The following MRTFA variants were observed in gnomAD, a reference collection of about 807,000 sequenced individuals.
The protein encoded by MRTFA is myocardin related transcription factor A.
In MRTFA, 20 loss-of-function variants were observed where a neutral mutation model predicts 83.5. The observed-to-expected ratio is 0.24, with a 90% CI of 0.17 to 0.35. MRTFA has a LOEUF of 0.35. Among genes scored for constraint, MRTFA ranks in the 10% least tolerant of loss-of-function variants. The probability of loss-of-function intolerance (pLI) is 1.00; values close to 1 mark genes in which losing one functional copy is unlikely to be tolerated. For missense variants in MRTFA, 1,200 were observed against 1,224.7 expected (o/e 0.98, Z 0.30); for synonymous variants, 659 against 541.2 (o/e 1.22, Z -3.02).
intron 4 of MRTFA, among the ~76,000 whole-genome samples, chr22:40,449,136 G>A (rs1254471055): frequency 2.0e-5 from 3 of 151,828 alleles, no homozygotes; most frequent in Non-Finnish European, 2.9e-5. Flanking sequence ...GCGTGGTGGC[G>A]GGTGCCTGTA....
At chr22:40,459,850 T>C (rs942576574) in intron 4 of MRTFA, among the ~76,000 whole-genome samples, 3 of 139,922 alleles carry the variant, frequency 2.1e-5, no homozygotes, top group South Asian at 2.4e-4. Flanking sequence ...TATATATATA[T>C]ATATATATAT....
At chr22:40,457,486 G>GAAAGAAAGAAAGAAAGAAAGA (rs750318222) in intron 4 of MRTFA, among the ~76,000 whole-genome samples, 7 of 127,912 alleles carry the variant, frequency 5.5e-5, no homozygotes, top group Non-Finnish European at 8.8e-5. Context: ...AAGAAAGAAA[G>GAAAGAAAGAAAGAAAGAAAGA]AAGGAAAGAA....
intron 3 of MRTFA, among the ~76,000 whole-genome samples, chr22:40,512,697 A>G (rs945309550): frequency 6.6e-6 from 1 of 152,230 alleles, no homozygotes; most frequent in African/African-American, 2.4e-5. Context: ...CCTAGTCCCA[A>G]GGGATAATTA....
intron 4 of MRTFA, among the ~76,000 whole-genome samples, chr22:40,437,892 C>T (rs1481118073): frequency 6.6e-6 from 1 of 152,146 alleles, no homozygotes; most frequent in East Asian, 1.9e-4. Context: ...TCACTCACAG[C>T]ATTCCCCAAG....
At chr22:40,539,693 G>A (rs1022996484) in intron 3 of MRTFA, among the ~76,000 whole-genome samples, 1 of 151,992 alleles carries the variant, frequency 6.6e-6, no homozygotes, top group Non-Finnish European at 1.5e-5. Flanking sequence ...AATAAAGACA[G>A]GGTTTTCACC....
At chr22:40,504,099 C>T (rs936537564) in intron 3 of MRTFA, among the ~76,000 whole-genome samples, 1 of 152,040 alleles carries the variant, frequency 6.6e-6, no homozygotes, top group African/African-American at 2.4e-5. Flanking sequence ...TGCATAAGTT[C>T]ATTATTTTAA....
At chr22:40,498,012 T>C (rs1292028773) in intron 3 of MRTFA, among the ~76,000 whole-genome samples, 1 of 150,346 alleles carries the variant, frequency 6.7e-6, no homozygotes, top group Non-Finnish European at 1.5e-5. Flanking sequence ...TAGTGGCGCA[T>C]GCCTGTAGTC....
At chr22:40,422,956 CGAGATCCTGGT>C (rs1256068971) in intron 9 of MRTFA, among the ~76,000 whole-genome samples, 8 of 152,146 alleles carry the variant, frequency 5.3e-5, no homozygotes, top group East Asian at 1.9e-4. Context: ...CTGGGGTCCC[CGAGATCCTGGT>C]GAGATCCTGG....
intron 2 of MRTFA, among the ~76,000 whole-genome samples, chr22:40,584,499 G>A (rs986948240): frequency 3.9e-5 from 6 of 152,232 alleles, no homozygotes; most frequent in Non-Finnish European, 7.3e-5. Flanking sequence ...CACTTTGGGA[G>A]GCTGAGGCAG....
chr22:40,605,373 T>C (rs1242368983), intron 1 of MRTFA, among the ~76,000 whole-genome samples: 5 of 152,114 alleles, frequency 3.3e-5, no homozygotes, highest in African/African-American at 4.8e-5. Flanking sequence ...TTTTTAGATA[T>C]AGTGATAAGG....
rs755657759 is a variant in MRTFA, at chr22:40,420,492, G to C, written c.1266C>G (p.Ala422=). 1 of 1,613,798 alleles carries C rather than the reference G, an allele frequency of 6.2e-7. No homozygotes were observed. The highest frequency in any genetic ancestry group is 1.1e-5 in the South Asian group (1 of 91,088). The change falls in exon 11 of 15, where the codon GCC becomes GCG. Residue 422 remains alanine, a synonymous_variant. Coordinates refer to ENST00000355630, the MANE Select transcript of MRTFA (RefSeq NM_020831.6). ...GACGTGCCAGCCCACAGGGCCCAGG[G>C]GCGCCCGAGCTGGAGCTGCTATTGG...
intron 2 of MRTFA, among the ~76,000 whole-genome samples, chr22:40,582,667 C>CAT (rs2055966411): frequency 9.4e-6 from 1 of 105,908 alleles, no homozygotes. Flanking sequence ...TACACACATA[C>CAT]ACACACACAC....
Position 40,446,733 on chromosome 22 carries a change from G to A in MRTFA, c.308-11179C>T, listed in dbSNP as rs527945655. 3.3e-5 allele frequency among the ~76,000 whole-genome samples: 5 copies of A among 152,188 alleles called. No individual in the cohort carries two copies. In the South Asian group the frequency reaches 1.0e-3, roughly 31 times the overall value. ...GGATTGGTGGAAGCACAAACTTACT[G>A]CAACAGATTAAAGAGTGAATAAGAA... On this transcript the variant is annotated intron_variant, in intron 4 of 14. Transcript: ENST00000355630.
chr22:40,411,874 A>T lies in MRTFA; in HGVS notation c.2612T>A (p.Leu871Gln). The T allele has an allele frequency of 6.7e-7, 1 of 1,486,480 alleles. No individual in the cohort carries two copies. Among genetic ancestry groups the T allele is most frequent in the Non-Finnish European group, 9.0e-7 (1 of 1,117,036 alleles). 92.1% of individuals were successfully genotyped at this position (1,486,480 alleles called of 1,614,324 possible). Residue 871 changes from leucine (L) to glutamine (Q), a missense_variant, in exon 15 of 15, where the codon CTG becomes CAG. Leu to Gln is a moderately radical substitution (Grantham distance 113). Around this residue, in one of 2 missense-constraint regions of MRTFA, gnomAD observed 1,107 missense variants for 1,041.8 expected, o/e 1.06. Coordinates refer to ENST00000355630, the MANE Select transcript of MRTFA (RefSeq NM_020831.6). The stretch of plus-strand genomic sequence containing the variant: ...CGGGGATGGCTTCTCCTTCCCTGGC[A>T]GGGATGGCGGCTCCTTGAAATCTGC...
intron 2 of MRTFA, among the ~76,000 whole-genome samples, chr22:40,584,907 T>C (rs1227148079): frequency 6.6e-6 from 1 of 151,688 alleles, no homozygotes; most frequent in Non-Finnish European, 1.5e-5. Context: ...TAGCTGGGCG[T>C]GGTGGCGCAC....
intron 2 of MRTFA, chr22:40,586,716 G>A (rs1251978038): frequency 1.1e-5 from 3 of 266,900 alleles, no homozygotes; most frequent in Non-Finnish European, 2.2e-5. Context: ...AGCAGGCTTC[G>A]TTTCCTCTGT....
At chr22:40,549,243 A>G (rs1048013698) in intron 3 of MRTFA, among the ~76,000 whole-genome samples, 10 of 152,194 alleles carry the variant, frequency 6.6e-5, no homozygotes, top group African/African-American at 2.2e-4. Context: ...TATTTCAAAT[A>G]AAAATCCCAG....
At chr22:40,414,524 A>C (rs1436390639) in intron 14 of MRTFA, among the ~76,000 whole-genome samples, 2 of 152,178 alleles carry the variant, frequency 1.3e-5, no homozygotes, top group Non-Finnish European at 2.9e-5. Context: ...AATCCACACT[A>C]CAGGGTATGA....
chr22:40,542,366 T>G (rs958001454), intron 3 of MRTFA, among the ~76,000 whole-genome samples: 2 of 152,192 alleles, frequency 1.3e-5, no homozygotes, highest in Admixed American at 6.5e-5. Flanking sequence ...ATATCTTGTG[T>G]TTTTGTTTTT....
Sources: gnomAD v4.1 joint callset for allele counts (sites outside exome capture counted in the v4.1 genomes callset) on GRCh38, gnomAD v4.1.1 for gene constraint, gnomAD v4.1.1 regional missense constraint, MANE v1.5 for transcripts, NCBI Gene and HGNC (gene_info 2026-07-23, HGNC 2026-07-21) for gene names.